Variants in CDH4 observed in about 807,000 individuals in gnomAD.
The protein encoded by CDH4 is cadherin 4.
Under a neutral mutation model 86.0 loss-of-function variants are expected in CDH4, and 33 were observed. The observed-to-expected ratio is 0.38, with a 90% confidence interval of 0.29 to 0.51. The LOEUF (loss-of-function observed/expected upper bound fraction) is 0.51. Ranked by LOEUF, CDH4 falls within the 20% of genes least tolerant of loss-of-function variation. The pLI is 0.86. For missense variants in CDH4, 1,114 were observed against 1,307.4 expected, an observed-to-expected ratio of 0.85 and a Z score of 2.28; for synonymous variants, 555 against 549.4, an observed-to-expected ratio of 1.01 and a Z score of -0.14.
At chr20:61,614,450 C>A (rs1568713768) in intron 2 of CDH4, among the ~76,000 whole-genome samples, 1 of 152,040 alleles carries the variant, frequency 6.6e-6, no homozygotes, top group Non-Finnish European at 1.5e-5. Context: ...GTTCTGGGAG[C>A]CATTCTAGCA....
At chr20:61,723,052 A>G (rs952659413) in intron 2 of CDH4, among the ~76,000 whole-genome samples, 13 of 152,168 alleles carry the variant, frequency 8.5e-5, no homozygotes, top group African/African-American at 3.1e-4. Flanking sequence ...GACATTAGAA[A>G]GTGGAATGGT....
At chr20:61,281,829 A>G (rs1010068136) in intron 2 of CDH4, among the ~76,000 whole-genome samples, 2 of 152,248 alleles carry the variant, frequency 1.3e-5, no homozygotes, top group African/African-American at 2.4e-5. Flanking sequence ...GCCATCTGAC[A>G]TGATTGCAGA....
At chr20:61,633,496 A>G (rs922438516) in intron 2 of CDH4, among the ~76,000 whole-genome samples, 4 of 152,102 alleles carry the variant, frequency 2.6e-5, no homozygotes, top group African/African-American at 9.7e-5. Context: ...CCACCCATGC[A>G]TCTGTCTATC....
rs1333650352 is a variant in CDH4 at position 61,937,311 on chromosome 20, G to C, written c.*368G>C. 6.1e-6 allele frequency: 1 copy of C among 162,628 alleles called. No individual in the cohort carries two copies. The highest frequency in any genetic ancestry group is 6.5e-5 in the Admixed American group (1 of 15,418). 10.1% of individuals were successfully genotyped at this position (162,628 alleles called of 1,614,324 possible). A position where few individuals can be genotyped will look rare whatever the true frequency, so the allele number is the denominator to read the frequency against. ...GTATCAGATTCCCTCAAACTCAGGAGTGTCTAAAGCAGACAGACCGTCCCC... is the reference window on the plus strand; with the variant it reads ...GTATCAGATTCCCTCAAACTCAGGACTGTCTAAAGCAGACAGACCGTCCCC... On this transcript the variant is annotated 3_prime_UTR_variant, in exon 16 of 16. Transcript: ENST00000614565.
intron 2 of CDH4, among the ~76,000 whole-genome samples, chr20:61,294,628 C>T (rs1425765850): frequency 6.6e-6 from 1 of 152,228 alleles, no homozygotes. Flanking sequence ...GCTCTTTCCC[C>T]AGGCCTTACA....
chr20:61,592,210 A>G (rs980367711), intron 2 of CDH4, among the ~76,000 whole-genome samples: 1 of 152,206 alleles, frequency 6.6e-6, no homozygotes, highest in Non-Finnish European at 1.5e-5. Flanking sequence ...TGGAGTAATA[A>G]GAAATATATT....
At chr20:61,565,101 CTCTTGGTGGTGCT>C (rs2086258622) in intron 2 of CDH4, among the ~76,000 whole-genome samples, 1 of 40,964 alleles carries the variant, frequency 2.4e-5, no homozygotes, top group Non-Finnish European at 5.1e-5. Context: ...CTTGGTGGTG[CTCTTGGTGGTGCT>C]GGTGCTCTTG....
chr20:61,870,903 T>C (rs1983775118), intron 6 of CDH4, among the ~76,000 whole-genome samples: 1 of 152,188 alleles, frequency 6.6e-6, no homozygotes, highest in Non-Finnish European at 1.5e-5. Context: ...TCTGCAGGTG[T>C]TTGTTCTGGT....
At chr20:61,486,561 T>G (rs962262572) in intron 2 of CDH4, among the ~76,000 whole-genome samples, 1 of 152,234 alleles carries the variant, frequency 6.6e-6, no homozygotes, top group Non-Finnish European at 1.5e-5. Context: ...AAAACACTTG[T>G]GTGGTGCCAC....
In CDH4 at chr20:61,844,839, C is replaced by T. The variant is rs762568898; in HGVS notation, c.732+16C>T. 25 of 1,602,046 alleles carry T rather than the reference C, an allele frequency of 1.6e-5. No homozygotes were observed. Among genetic ancestry groups the T allele is most frequent in the East Asian group, 2.2e-5 (1 of 44,494 alleles). ...CTCTTACCACGTGAGTGTCCACACC[C>T]GGCTGAGAATGGGGCCCTGGGGTGG... On this transcript the variant is annotated intron_variant, in intron 5 of 15. Coordinates refer to ENST00000614565, the MANE Select transcript of CDH4 (RefSeq NM_001794.5).
intron 2 of CDH4, among the ~76,000 whole-genome samples, chr20:61,339,236 C>T (rs1434482234): frequency 6.6e-6 from 1 of 152,174 alleles, no homozygotes; most frequent in Non-Finnish European, 1.5e-5. Context: ...AGAGAGGACA[C>T]ATAGACCAAT....
At chr20:61,395,919 AG>A (rs1304796388) in intron 2 of CDH4, among the ~76,000 whole-genome samples, 1 of 152,186 alleles carries the variant, frequency 6.6e-6, no homozygotes, top group Non-Finnish European at 1.5e-5. Flanking sequence ...CATATTTCAT[AG>A]TCTTATTAAT....
At chr20:61,492,489 G>A (rs2085633804) in intron 2 of CDH4, among the ~76,000 whole-genome samples, 1 of 152,208 alleles carries the variant, frequency 6.6e-6, no homozygotes, top group Non-Finnish European at 1.5e-5. Context: ...TGATGCTGAT[G>A]TTGGTGGTGT....
At position 61,702,017 on chromosome 20, in the gene CDH4, C is replaced by T. The variant is rs138981849; in HGVS notation, c.170-41546C>T. Among the ~76,000 whole-genome samples the T allele has an allele frequency of 1.2e-4, 19 of 152,288 alleles. No homozygotes were observed. The East Asian group carries it at 2.5e-3, about 20-fold the overall frequency. The stretch of plus-strand genomic sequence containing the variant: ...GCCGGGAGGAAGAGCCTAGACCTCA[C>T]GGAGGTCTTGATAAAGCCCCTCTTC... On this transcript the variant is annotated intron_variant, in intron 2 of 15. Coordinates refer to ENST00000614565, the MANE Select transcript of CDH4 (RefSeq NM_001794.5).
Position 61,940,304 on chromosome 20 carries a change from C to T in CDH4, c.*3361C>T, listed in dbSNP as rs555547219. The T allele has an allele frequency of 1.8e-4, 27 of 152,244 alleles. No individual in the cohort carries two copies. Among genetic ancestry groups the T allele is most frequent in the Non-Finnish European group, 3.5e-4 (24 of 68,026 alleles). 9.4% of individuals were successfully genotyped at this position (152,244 alleles called of 1,614,324 possible). The stretch of plus-strand genomic sequence containing the variant: ...TGAAATGGGCAAAATGTGTAGCAGC[C>T]TGCATGAGCACAGTTGTTTTGGGGA... On this transcript the variant is annotated 3_prime_UTR_variant, in exon 16 of 16. Coordinates refer to ENST00000614565, the MANE Select transcript of CDH4 (RefSeq NM_001794.5).
intron 6 of CDH4, among the ~76,000 whole-genome samples, chr20:61,866,915 G>A (rs1983574747): frequency 6.6e-6 from 1 of 152,252 alleles, no homozygotes; most frequent in African/African-American, 2.4e-5. Context: ...TTGCCAGAGA[G>A]TGGGATCCTG....
At chr20:61,567,479 T>G (rs555212085) in intron 2 of CDH4, among the ~76,000 whole-genome samples, 109 of 152,302 alleles carry the variant, frequency 7.2e-4, no homozygotes, top group African/African-American at 2.6e-3. Context: ...GCCTCTTTTA[T>G]AATGTAATTA....
chr20:61,861,865 C>T (rs1042903763), intron 6 of CDH4, among the ~76,000 whole-genome samples: 26 of 152,166 alleles, frequency 1.7e-4, no homozygotes, highest in African/African-American at 5.8e-4. Context: ...CTGGGTGCTG[C>T]GGAGGGCACC....
At chr20:61,381,587 C>G (rs73308701) in intron 2 of CDH4, among the ~76,000 whole-genome samples, 14 of 152,098 alleles carry the variant, frequency 9.2e-5, no homozygotes, top group African/African-American at 3.4e-4. Context: ...AAACTGTACA[C>G]GCTATGATGG....
Sources: allele counts gnomAD v4.1 joint callset (sites outside exome capture counted in the v4.1 genomes callset), GRCh38; gene constraint gnomAD v4.1.1; transcripts MANE v1.5; gene names NCBI Gene and HGNC (gene_info 2026-07-23, HGNC 2026-07-21).